The following ADGRV1 variants were observed in gnomAD, a reference collection of about 807,000 sequenced individuals.
ADGRV1 encodes adhesion G protein-coupled receptor V1.
In ADGRV1, 359 loss-of-function variants were observed where a neutral mutation model predicts 596.2. The observed-to-expected ratio is 0.60, with a 90% CI of 0.55 to 0.66. ADGRV1 has a LOEUF of 0.66. Ranked by LOEUF, ADGRV1 falls within the 30% of genes least tolerant of loss-of-function variation. The probability of loss-of-function intolerance (pLI) is 0.00; values close to 1 mark genes in which losing one functional copy is unlikely to be tolerated. For missense variants in ADGRV1, 7,274 were observed against 7,575.6 expected (o/e 0.96, Z 1.48); for synonymous variants, 2,681 against 2,679.2 (o/e 1.00, Z -0.02).
intron 87 of ADGRV1, among the ~76,000 whole-genome samples, chr5:91,111,888 A>G (rs1792403202): frequency 6.6e-6 from 1 of 152,162 alleles, no homozygotes; most frequent in African/African-American, 2.4e-5. Flanking sequence ...TGCACCTTTC[A>G]AAACATCCCC....
chr5:90,863,937 G>C, intron 83 of ADGRV1, 80 bp downstream of exon 83: 2 of 920,870 alleles, frequency 2.2e-6, no homozygotes, highest in South Asian at 3.0e-5. Flanking sequence ...GAGTGTAAAA[G>C]TAAAGTTTAA....
intron 85 of ADGRV1, among the ~76,000 whole-genome samples, chr5:91,035,876 T>TA (rs1409742604): frequency 7.2e-6 from 1 of 138,936 alleles, no homozygotes; most frequent in African/African-American, 2.7e-5. Context: ...TATATATATA[T>TA]ATATATCTTA....
chr5:91,007,733 A>T (rs921739150), intron 85 of ADGRV1, among the ~76,000 whole-genome samples: 2 of 152,172 alleles, frequency 1.3e-5, no homozygotes, highest in Admixed American at 6.6e-5. Flanking sequence ...AGGATGAAAC[A>T]GAAGAAATCA....
rs750486840 is a variant in ADGRV1 at position 90,637,844 on chromosome 5, C to T, written c.2136C>T (p.Gly712=). The T allele has an allele frequency of 7.4e-6, 12 of 1,613,464 alleles. No individual in the cohort carries two copies. Among genetic ancestry groups the T allele is most frequent in the African/African-American group, 2.7e-5 (2 of 74,886 alleles). The change falls in exon 11 of 90, where the codon GGC becomes GGT. Residue 712 remains glycine, a synonymous_variant. Coordinates refer to ENST00000405460, the MANE Select transcript of ADGRV1 (RefSeq NM_032119.4). ...CGGATGATATAGGCCCCTTTAATGG[C>T]TCTGTTTTGTTTTTATCTGGGCAAA... ...VTPDDIGPFN[G]SVLFLSGQSD... is the part of the protein sequence containing the mutation.
intron 1 of ADGRV1, among the ~76,000 whole-genome samples, chr5:90,599,776 T>C (rs1156390653): frequency 6.6e-6 from 1 of 152,174 alleles, no homozygotes; most frequent in Non-Finnish European, 1.5e-5. Context: ...GGAGAAATAA[T>C]ACTGTAAAGT....
In ADGRV1 at chr5:90,696,105, A is replaced by G. The variant is rs111502319; in HGVS notation, c.7946-832A>G. ...ATGCAGCAGGGTCACAAAAGAGAGA[A>G]CATGCATTTAATCTCCTTTCTCCTT... On this transcript the variant is annotated intron_variant, in intron 33 of 89. Coordinates refer to ENST00000405460, the MANE Select transcript of ADGRV1 (RefSeq NM_032119.4). Among the ~76,000 whole-genome samples, 76 of 152,268 alleles carry G rather than the reference A, an allele frequency of 5.0e-4. 1 individual carries two copies. Among genetic ancestry groups the G allele is most frequent in the African/African-American group, 1.8e-3 (73 of 41,554 alleles).
At chr5:91,102,383 A>C (rs1477600562) in intron 87 of ADGRV1, 43 bp downstream of exon 87, 45 of 1,517,524 alleles carry the variant, frequency 3.0e-5, no homozygotes, top group Non-Finnish European at 4.0e-5. Context: ...CATTTATCTT[A>C]ATGAACACAA....
At chr5:90,990,535 A>T (rs1215136912) in intron 85 of ADGRV1, among the ~76,000 whole-genome samples, 1 of 152,148 alleles carries the variant, frequency 6.6e-6, no homozygotes, top group Admixed American at 6.5e-5. Context: ...CACTGATCTG[A>T]CAGGAGGCAG....
intron 46 of ADGRV1, 47 bp from the exon 47 acceptor site, chr5:90,725,038 AT>A: frequency 6.5e-7 from 1 of 1,539,718 alleles, no homozygotes; most frequent in Non-Finnish European, 8.8e-7. Context: ...GTGCAGATAA[AT>A]TTTAGATGTA....
intron 83 of ADGRV1, among the ~76,000 whole-genome samples, chr5:90,928,348 T>C (rs1393930809): frequency 1.1e-4 from 17 of 150,558 alleles, no homozygotes; most frequent in Non-Finnish European, 1.5e-4. Flanking sequence ...TTCTTTTTTC[T>C]CTAAACTTTC....
At chr5:90,746,258 G>C (rs1439743471) in intron 52 of ADGRV1, among the ~76,000 whole-genome samples, 2 of 150,408 alleles carry the variant, frequency 1.3e-5, no homozygotes, top group Non-Finnish European at 3.0e-5. Flanking sequence ...GGGTGGAGGA[G>C]AGAGAGAGGG....
intron 77 of ADGRV1, among the ~76,000 whole-genome samples, chr5:90,832,396 T>C (rs556970906): frequency 1.3e-5 from 2 of 152,332 alleles, no homozygotes; most frequent in South Asian, 4.1e-4. Context: ...CATTTGTATG[T>C]CTTCTTTAGA....
At position 90,694,334 on chromosome 5, in the gene ADGRV1, T is replaced by C; in HGVS notation, c.7578T>C (p.Ile2526=). The change falls in exon 33 of 90, where the codon ATT becomes ATC. Residue 2526 remains isoleucine (I), a synonymous_variant. Coordinates refer to ENST00000405460, the MANE Select transcript of ADGRV1 (RefSeq NM_032119.4). The part of the protein sequence containing the change: ...GDEFANLTVS[I]LPDDFPEMDE... ...AATTCGCAAATCTCACAGTGTCTAT[T>C]CTTCCTGATGATTTCCCAGAGATGG... The C allele has an allele frequency of 1.9e-6, 3 of 1,614,014 alleles. No individual in the cohort carries two copies. Among genetic ancestry groups the C allele is most frequent in the Non-Finnish European group, 2.5e-6 (3 of 1,179,882 alleles).
rs375251628 is a variant in ADGRV1, at chr5:90,994,933, A to G, written c.18152+9411A>G. Among the ~76,000 whole-genome samples, 359 of 152,344 alleles carry G rather than the reference A, an allele frequency of 2.4e-3. 1 individual carries two copies. The highest frequency in any genetic ancestry group is 8.2e-3 in the African/African-American group (341 of 41,588). On this transcript the variant is annotated intron_variant, in intron 85 of 89. Transcript: ENST00000405460. ...TGGGGCATGACTTCAACACTCTACC[A>G]GGAAGTTAGTAACTGCCTTAACCTT...
At chr5:90,566,196 G>A (rs1380705885) in intron 1 of ADGRV1, among the ~76,000 whole-genome samples, 1 of 151,642 alleles carries the variant, frequency 6.6e-6, no homozygotes, top group Non-Finnish European at 1.5e-5. Flanking sequence ...ACTTTCCTTT[G>A]GTTGCTTATA....
intron 4 of ADGRV1, among the ~76,000 whole-genome samples, chr5:90,621,431 A>G (rs1354745139): frequency 2.0e-5 from 3 of 152,224 alleles, no homozygotes; most frequent in Admixed American, 6.5e-5. Context: ...TCATTTACAG[A>G]CATTAAGTTA....
rs1463244885 is a variant in ADGRV1 at position 90,703,706 on chromosome 5, C to T, written c.8197C>T (p.Arg2733Ter). 1.2e-6 allele frequency: 2 copies of T among 1,604,472 alleles called. No homozygotes were observed. The highest frequency in any genetic ancestry group is 1.3e-5 in the African/African-American group (1 of 74,600). ...CCATGTGATAAGAACTTTCCCTGGTCGAGGAAATGTTACTGTTAACTGGAA... is the reference window on the plus strand; with the variant it reads ...CCATGTGATAAGAACTTTCCCTGGTTGAGGAAATGTTACTGTTAACTGGAA... Reference protein sequence around the residue: ...QFHVIRTFPGRGNVTVNWKII... With the variant: ...QFHVIRTFPG Residue 2733 changes from arginine (R) to a stop codon, truncating the protein, a stop_gained, in exon 35 of 90, where the codon CGA becomes TGA. Transcript: ENST00000405460. LOFTEE classifies it high-confidence loss of function.
intron 83 of ADGRV1, among the ~76,000 whole-genome samples, chr5:90,888,279 CATA>C (rs913981263): frequency 6.6e-6 from 1 of 152,082 alleles, no homozygotes; most frequent in Non-Finnish European, 1.5e-5. Context: ...TCTGTGATAG[CATA>C]ATTTCATTTT....
chr5:90,642,496 G>A (rs750581444), intron 11 of ADGRV1, 140 bp from the exon 12 acceptor site: 9 of 781,824 alleles, frequency 1.2e-5, no homozygotes, highest in Non-Finnish European at 1.8e-5. Flanking sequence ...TTCAACACAC[G>A]TGAATTCACT....
Sources: allele counts gnomAD v4.1 joint callset (sites outside exome capture counted in the v4.1 genomes callset), GRCh38; gene constraint gnomAD v4.1.1; transcripts MANE v1.5; gene names NCBI Gene and HGNC (gene_info 2026-07-23, HGNC 2026-07-21).